Variants in MARCHF1 observed in about 807,000 individuals in gnomAD.
The protein encoded by MARCHF1 is E3 ubiquitin-protein ligase MARCHF1.
Under a neutral mutation model 54.2 loss-of-function variants are expected in MARCHF1, and 40 were observed. The ratio of observed to expected loss-of-function variants is 0.74; its 90% confidence interval spans 0.57 to 0.96. The LOEUF (loss-of-function observed/expected upper bound fraction) is 0.96. Ranked by LOEUF, MARCHF1 falls within the 40% of genes least tolerant of loss-of-function variation. The probability of loss-of-function intolerance (pLI) is 0.00; values close to 1 mark genes in which losing one functional copy is unlikely to be tolerated. For missense variants in MARCHF1, 586 were observed against 656.5 expected (o/e 0.89, Z 1.17); for synonymous variants, 236 against 236.3 (o/e 1.00, Z 0.01).
intron 1 of MARCHF1, among the ~76,000 whole-genome samples, chr4:164,223,093 C>T (rs1156243732): frequency 6.6e-6 from 1 of 151,944 alleles, no homozygotes; most frequent in Non-Finnish European, 1.5e-5. Flanking sequence ...GTATAGGGGA[C>T]ATAGCCCCCA....
intron 1 of MARCHF1, among the ~76,000 whole-genome samples, chr4:164,146,816 G>T (rs1729759217): frequency 6.6e-6 from 1 of 151,930 alleles, no homozygotes; most frequent in South Asian, 2.1e-4. Flanking sequence ...AGCCAAAATT[G>T]ACAAATGGGA....
At chr4:164,193,929 A>G (rs1039931290) in intron 1 of MARCHF1, among the ~76,000 whole-genome samples, 1 of 152,192 alleles carries the variant, frequency 6.6e-6, no homozygotes, top group Non-Finnish European at 1.5e-5. Flanking sequence ...GTTATTAGTA[A>G]GCAGCTTTAA....
At chr4:164,045,936 G>T (rs1029577440) in intron 2 of MARCHF1, among the ~76,000 whole-genome samples, 7 of 152,174 alleles carry the variant, frequency 4.6e-5, no homozygotes, top group Admixed American at 4.6e-4. Context: ...AAGCAAATAA[G>T]TTAGCCTGCT....
chr4:164,253,900 G>A (rs768993575), intron 1 of MARCHF1, among the ~76,000 whole-genome samples: 11 of 152,072 alleles, frequency 7.2e-5, no homozygotes, highest in Admixed American at 2.6e-4. Flanking sequence ...GGGAAAAAAA[G>A]CAATCTCAAA....
chr4:163,802,105 A>G (rs1748098719), intron 4 of MARCHF1, among the ~76,000 whole-genome samples: 1 of 146,348 alleles, frequency 6.8e-6, no homozygotes, highest in African/African-American at 2.5e-5. Flanking sequence ...CATTCAATTC[A>G]ACATGTCACC....
chr4:164,284,204 T>C (rs1223481116), intron 1 of MARCHF1, among the ~76,000 whole-genome samples: 1 of 150,966 alleles, frequency 6.6e-6, no homozygotes, highest in African/African-American at 2.4e-5. Context: ...TACTGGATTG[T>C]TTTTGATAAT....
chr4:163,831,077 T>C (rs1452222979), intron 4 of MARCHF1, among the ~76,000 whole-genome samples: 1 of 152,168 alleles, frequency 6.6e-6, no homozygotes, highest in Non-Finnish European at 1.5e-5. Context: ...TGCGAGTCTT[T>C]ACAAAAAGCT....
chr4:163,755,511 T>C (rs1746638969), intron 4 of MARCHF1, among the ~76,000 whole-genome samples: 1 of 152,180 alleles, frequency 6.6e-6, no homozygotes, highest in South Asian at 2.1e-4. Flanking sequence ...GTAAATTTAA[T>C]TTCAAACTTA....
chr4:163,991,300 A>T (rs1209985891), intron 2 of MARCHF1, among the ~76,000 whole-genome samples: 2 of 152,150 alleles, frequency 1.3e-5, no homozygotes, highest in African/African-American at 4.8e-5. Context: ...AACTTTTAAA[A>T]TTTTCCAACT....
rs368307249 is a variant in MARCHF1 at position 163,800,000 on chromosome 4, CG to C, written c.111+54020del. 2.7e-4 allele frequency among the ~76,000 whole-genome samples: 41 copies of C among 152,102 alleles called. 1 individual carries two copies. In the South Asian group the frequency reaches 8.5e-3, roughly 32 times the overall value. ...TTCTTTGCAGTAATACATATGCAGC[CG>C]GAGGCCATTATGCTAAGTGAATTAA... On this transcript the variant is annotated intron_variant, in intron 4 of 9. Coordinates refer to ENST00000514618, the MANE Select transcript of MARCHF1 (RefSeq NM_001394959.1).
Position 163,899,533 on chromosome 4 carries a change from G to A in MARCHF1, c.-38-45364C>T, listed in dbSNP as rs142612560. Among the ~76,000 whole-genome samples the A allele has an allele frequency of 1.9e-3, 292 of 152,120 alleles. 3 individuals carry two copies. Among genetic ancestry groups the A allele is most frequent in the Admixed American group, 0.016 (237 of 15,264 alleles). On this transcript the variant is annotated intron_variant, in intron 3 of 9. Transcript: ENST00000514618. ...GTAAACATAAGAATAGTCCCTGGCT[G>A]TGTCCTCAGATCTCTTCTTTTTACA...
rs184490959 is a variant in MARCHF1, at chr4:164,137,510, C to T, written c.-322-25848G>A. On this transcript the variant is annotated intron_variant, in intron 1 of 9. Transcript: ENST00000514618. ...AAATTCAGCTATCAACCTGTTTTCA[C>T]GATATTAGCGGAAAATGCGTTTCAG... Among the ~76,000 whole-genome samples the T allele has an allele frequency of 9.2e-5, 14 of 152,126 alleles. No individual in the cohort carries two copies. The East Asian group carries it at 9.7e-4, about 10-fold the overall frequency.
chr4:164,249,797 C>A (rs1733072118), intron 1 of MARCHF1, among the ~76,000 whole-genome samples: 1 of 149,940 alleles, frequency 6.7e-6, no homozygotes, highest in Admixed American at 6.7e-5. Context: ...AGAGTTCATG[C>A]ATTTGATGAG....
At chr4:164,274,658 A>G (rs1042767291) in intron 1 of MARCHF1, among the ~76,000 whole-genome samples, 4 of 44,902 alleles carry the variant, frequency 8.9e-5, no homozygotes, top group East Asian at 6.4e-4. Context: ...TTCAGGGTAC[A>G]CTTTTTTTTT....
chr4:164,072,488 G>A (rs1754889069), intron 2 of MARCHF1, among the ~76,000 whole-genome samples: 1 of 152,024 alleles, frequency 6.6e-6, no homozygotes, highest in Non-Finnish European at 1.5e-5. Flanking sequence ...CTGAGCTCAG[G>A]AGTTTAAGGC....
At chr4:163,582,737 G>C (rs1740270635) in intron 8 of MARCHF1, among the ~76,000 whole-genome samples, 1 of 149,902 alleles carries the variant, frequency 6.7e-6, no homozygotes, top group Non-Finnish European at 1.5e-5. Context: ...AAATGCTATA[G>C]CTAGCATTCT....
intron 5 of MARCHF1, among the ~76,000 whole-genome samples, chr4:163,678,049 G>C (rs978940269): frequency 6.6e-6 from 1 of 152,182 alleles, no homozygotes; most frequent in Non-Finnish European, 1.5e-5. Context: ...GAAGAAGATT[G>C]TGTTCTGGAC....
intron 4 of MARCHF1, among the ~76,000 whole-genome samples, chr4:163,704,718 A>G (rs1744902221): frequency 1.3e-5 from 2 of 151,810 alleles, no homozygotes; most frequent in South Asian, 4.1e-4. Context: ...AACCTATAGC[A>G]TATAGCAAAA....
rs534269839 is a variant in MARCHF1 at position 164,103,959 on chromosome 4, A to G, written c.-248+7629T>C. Among the ~76,000 whole-genome samples, 581 of 150,882 alleles carry G rather than the reference A, an allele frequency of 3.9e-3. 3 individuals carry two copies. Among genetic ancestry groups the G allele is most frequent in the Non-Finnish European group, 4.9e-3 (335 of 67,954 alleles). On this transcript the variant is annotated intron_variant, in intron 2 of 9. Coordinates refer to ENST00000514618, the MANE Select transcript of MARCHF1 (RefSeq NM_001394959.1). ...TCACCACCAATCCCACAGAAATACA[A>G]ACTACCATCAGGGAATACTACAAAC...
Sources: gnomAD v4.1 joint callset for allele counts (sites outside exome capture counted in the v4.1 genomes callset) on GRCh38, gnomAD v4.1.1 for gene constraint, MANE v1.5 for transcripts, NCBI Gene and HGNC (gene_info 2026-07-23, HGNC 2026-07-21) for gene names.